NCKAP5: variants seen among roughly 807,000 people sequenced by gnomAD.
The protein encoded by NCKAP5 is nck-associated protein 5.
A neutral mutation model predicts 167.0 loss-of-function variants in NCKAP5; 92 were observed. The observed-to-expected ratio is 0.55, with a 90% CI of 0.47 to 0.66. The LOEUF (loss-of-function observed/expected upper bound fraction) is 0.66, where lower values mean the gene tolerates loss of function less well. Ranked by LOEUF, NCKAP5 falls within the 30% of genes least tolerant of loss-of-function variation. The pLI, the probability that NCKAP5 is intolerant of heterozygous loss-of-function variation, is 0.00. For synonymous variants in NCKAP5, 891 were observed against 877.4 expected, an observed-to-expected ratio of 1.02 and a Z score of -0.27; for missense variants, 2,378 against 2,315.0, an observed-to-expected ratio of 1.03 and a Z score of -0.56.
Position 132,785,083 on chromosome 2 carries a change from G to A in NCKAP5, c.1728C>T (p.Asn576=), listed in dbSNP as rs1278201826. The change falls in exon 14 of 20, where the codon AAC becomes AAT. Residue 576 remains asparagine (N), a synonymous_variant. Transcript: ENST00000409261. The stretch of plus-strand genomic sequence containing the variant: ...TGTCATCAGTGTCTGAAAGCTGGAG[G>A]TTGAGAGCCATGCGGCCATGGCCTT... The part of the protein sequence containing the change: ...QGQGHGRMAL[N]LQLSDTDDNE... 2 of 1,614,070 alleles carry A rather than the reference G, an allele frequency of 1.2e-6. No individual in the cohort carries two copies. The highest frequency in any genetic ancestry group is 2.2e-5 in the South Asian group (2 of 91,092).
At position 133,398,165 on chromosome 2, in the gene NCKAP5, C is replaced by T. The variant is rs934595023; in HGVS notation, c.70-95055G>A. Among the ~76,000 whole-genome samples the T allele has an allele frequency of 2.0e-5, 3 of 152,024 alleles. No homozygotes were observed. The South Asian group carries it at 6.2e-4, about 32-fold the overall frequency. ...ATCCTCAGGGAATTGACAACAGTGT[C>T]TTCTTCACTCATATCACAGCTGAAT... is the stretch of plus-strand genomic sequence containing the variant. On this transcript the variant is annotated intron_variant, in intron 3 of 19. Coordinates refer to ENST00000409261, the MANE Select transcript of NCKAP5 (RefSeq NM_207363.3).
At chr2:132,823,542 C>A (rs558236556) in intron 11 of NCKAP5, among the ~76,000 whole-genome samples, 1 of 151,690 alleles carries the variant, frequency 6.6e-6, no homozygotes, top group Non-Finnish European at 1.5e-5. Flanking sequence ...ATATAAAATG[C>A]TAAAAGGAGT....
At chr2:133,172,432 G>C (rs1310829095) in intron 5 of NCKAP5, among the ~76,000 whole-genome samples, 1 of 152,192 alleles carries the variant, frequency 6.6e-6, no homozygotes, top group Non-Finnish European at 1.5e-5. Context: ...CCACTTGCTG[G>C]AGGCTACAAC....
intron 3 of NCKAP5, among the ~76,000 whole-genome samples, chr2:133,310,288 T>C (rs1681141405): frequency 6.6e-6 from 1 of 152,188 alleles, no homozygotes; most frequent in Non-Finnish European, 1.5e-5. Flanking sequence ...CAAATCAATT[T>C]AGGAGTCCCA....
chr2:133,459,749 T>C (rs1036552902), intron 3 of NCKAP5, among the ~76,000 whole-genome samples: 1 of 152,138 alleles, frequency 6.6e-6, no homozygotes, highest in African/African-American at 2.4e-5. Context: ...GAAGATGTAT[T>C]TAACTCATGA....
intron 19 of NCKAP5, among the ~76,000 whole-genome samples, chr2:132,723,297 G>A (rs921860885): frequency 2.0e-5 from 3 of 151,874 alleles, no homozygotes; most frequent in African/African-American, 7.3e-5. Context: ...CCAAGTAGCT[G>A]GGACTACAGG....
At chr2:133,319,080 G>A (rs182196187) in intron 3 of NCKAP5, among the ~76,000 whole-genome samples, 103 of 152,076 alleles carry the variant, frequency 6.8e-4, no homozygotes, top group African/African-American at 2.4e-3. Context: ...TAAACCTTAA[G>A]AACGACTCTT....
intron 3 of NCKAP5, among the ~76,000 whole-genome samples, chr2:133,483,653 A>G (rs1214518652): frequency 1.3e-5 from 2 of 152,174 alleles, no homozygotes; most frequent in East Asian, 1.9e-4. Context: ...TCTCTCTTAA[A>G]ATAGAATTCA....
intron 5 of NCKAP5, among the ~76,000 whole-genome samples, chr2:133,180,317 G>A (rs1170591207): frequency 6.6e-6 from 1 of 151,144 alleles, no homozygotes; most frequent in Non-Finnish European, 1.5e-5. Flanking sequence ...AATGATTAAA[G>A]ACGTTTTTTT....
At chr2:133,534,219 A>T (rs1336039327) in intron 2 of NCKAP5, among the ~76,000 whole-genome samples, 1 of 152,188 alleles carries the variant, frequency 6.6e-6, no homozygotes, top group Non-Finnish European at 1.5e-5. Context: ...TATAGAGAAA[A>T]ATGAAGTAAG....
chr2:133,337,072 A>T (rs998898839), intron 3 of NCKAP5, among the ~76,000 whole-genome samples: 4 of 152,200 alleles, frequency 2.6e-5, no homozygotes, highest in African/African-American at 9.7e-5. Flanking sequence ...CCATAGCTAG[A>T]ACTCAGGCCT....
chr2:132,842,442 C>T (rs1688357530), intron 11 of NCKAP5, among the ~76,000 whole-genome samples: 1 of 151,974 alleles, frequency 6.6e-6, no homozygotes, highest in South Asian at 2.1e-4. Context: ...TACTTATTTC[C>T]TTTTGTATTT....
rs867575691 is a variant in NCKAP5 at position 133,381,375 on chromosome 2, C to A, written c.70-78265G>T. 36 of 152,294 alleles carry A rather than the reference C, an allele frequency of 2.4e-4. 1 individual carries two copies. The highest frequency in any genetic ancestry group is 7.9e-4 in the African/African-American group (33 of 41,558). The allele number at this position is 152,294 out of a possible 1,614,324, so 9.4% of individuals were successfully genotyped here. Reference sequence around the variant, plus strand: ...ACGTCCCTATTTGAAAACTGCTGGACATGATAAATAACCTGATTAAGAGAT... The same window carrying A: ...ACGTCCCTATTTGAAAACTGCTGGAAATGATAAATAACCTGATTAAGAGAT... On this transcript the variant is annotated intron_variant, in intron 3 of 19. Transcript: ENST00000409261.
At position 132,734,100 on chromosome 2, in the gene NCKAP5, G is replaced by A. The variant is rs150353923; in HGVS notation, c.5129-2049C>T. Reference sequence around the variant, plus strand: ...GGGTTTTAGCCTCATTAATTTCAGGGCCCCCACCTGGCCAGCTTTATTCTC... The same window carrying A: ...GGGTTTTAGCCTCATTAATTTCAGGACCCCCACCTGGCCAGCTTTATTCTC... On this transcript the variant is annotated intron_variant, in intron 16 of 19. Coordinates refer to ENST00000409261, the MANE Select transcript of NCKAP5 (RefSeq NM_207363.3). Among the ~76,000 whole-genome samples, 607 of 152,124 alleles carry A rather than the reference G, an allele frequency of 4.0e-3. 4 individuals carry two copies. Among genetic ancestry groups the A allele is most frequent in the African/African-American group, 0.014 (561 of 41,492 alleles).
intron 2 of NCKAP5, among the ~76,000 whole-genome samples, chr2:133,554,972 C>T (rs1173620322): frequency 1.3e-5 from 2 of 152,064 alleles, no homozygotes; most frequent in Non-Finnish European, 2.9e-5. Flanking sequence ...TTTCTGCAAC[C>T]TTGGAAGTGT....
intron 19 of NCKAP5, among the ~76,000 whole-genome samples, chr2:132,722,999 A>G (rs1690078569): frequency 6.6e-6 from 1 of 151,884 alleles, no homozygotes. Context: ...TTATTTAAAA[A>G]AAAAATTTGT....
rs182010117 is a variant in NCKAP5 at position 132,880,037 on chromosome 2, A to G, written c.580-1121T>C. On this transcript the variant is annotated intron_variant, in intron 8 of 19. Coordinates refer to ENST00000409261, the MANE Select transcript of NCKAP5 (RefSeq NM_207363.3). ...ACTAGAAGTCATGTTAAGTGAAATA[A>G]TCTATGCACACAAAGACAAATATTG... 3.8e-4 allele frequency among the ~76,000 whole-genome samples: 58 copies of G among 152,340 alleles called. No individual in the cohort carries two copies. In the East Asian group the frequency reaches 9.4e-3, roughly 25 times the overall value.
intron 11 of NCKAP5, among the ~76,000 whole-genome samples, chr2:132,854,601 C>T (rs1689319542): frequency 6.6e-6 from 1 of 152,236 alleles, no homozygotes; most frequent in Non-Finnish European, 1.5e-5. Context: ...TGGGCCTTCC[C>T]CAGGGCCCTC....
intron 4 of NCKAP5, among the ~76,000 whole-genome samples, chr2:133,274,302 A>C (rs2089641623): frequency 6.6e-6 from 1 of 151,538 alleles, no homozygotes; most frequent in South Asian, 2.1e-4. Flanking sequence ...TAGTAAGAAC[A>C]AAAAAAAATT....
Sources: gnomAD v4.1 joint callset for allele counts (sites outside exome capture counted in the v4.1 genomes callset) on GRCh38, gnomAD v4.1.1 for gene constraint, MANE v1.5 for transcripts, NCBI Gene and HGNC (gene_info 2026-07-23, HGNC 2026-07-21) for gene names.